The following GPC3 variants were observed in gnomAD, a reference collection of about 807,000 sequenced individuals.
GPC3 encodes the protein glypican-3.
A neutral mutation model predicts 34.4 loss-of-function variants in GPC3; 3 were observed. The ratio of observed to expected loss-of-function variants is 0.09; its 90% CI spans 0.04 to 0.23. GPC3 has a LOEUF of 0.23. Among genes scored for constraint, GPC3 ranks in the 10% least tolerant of loss-of-function variants. GPC3 has a pLI of 1.00. For missense variants in GPC3, 351 were observed against 445.6 expected (o/e 0.79, Z 1.91); for synonymous variants, 177 against 174.0 (o/e 1.02, Z -0.13).
chrX:133,829,660 G>C (rs1187992915), intron 2 of GPC3, among the ~76,000 whole-genome samples: 4 of 110,379 alleles, frequency 3.6e-5, no homozygotes, highest in Admixed American at 2.9e-4. Flanking sequence ...ATAACAGAAG[G>C]GAATTTAATA....
intron 2 of GPC3, among the ~76,000 whole-genome samples, chrX:133,800,316 G>A (rs1483572139): frequency 1.8e-5 from 2 of 112,570 alleles, no homozygotes; most frequent in Non-Finnish European, 3.8e-5. Flanking sequence ...TCACAGAAAT[G>A]TCCATTTCTT....
At chrX:133,728,267 C>T (rs2071430136) in intron 3 of GPC3, among the ~76,000 whole-genome samples, 1 of 111,630 alleles carries the variant, frequency 9.0e-6, no homozygotes, top group South Asian at 3.8e-4. Context: ...GGAGACAAAA[C>T]ACCCTGTAGC....
At chrX:133,771,005 C>T (rs2071912698) in intron 2 of GPC3, among the ~76,000 whole-genome samples, 1 of 111,338 alleles carries the variant, frequency 9.0e-6, no homozygotes, top group Non-Finnish European at 1.9e-5. Context: ...GGACAAGGGA[C>T]AGTATACACT....
intron 7 of GPC3, among the ~76,000 whole-genome samples, chrX:133,593,353 G>GAAAAAAAAAAAA (rs1569391707): frequency 1.7e-5 from 1 of 58,156 alleles, no homozygotes. Flanking sequence ...AAAAAAAAAA[G>GAAAAAAAAAAAA]TAAAAAAAAA....
At chrX:133,677,073 A>T (rs1209568434) in intron 5 of GPC3, among the ~76,000 whole-genome samples, 1 of 111,629 alleles carries the variant, frequency 9.0e-6, no homozygotes, top group African/African-American at 3.3e-5. Flanking sequence ...CCTGCTCAGA[A>T]GCCCCATTGG....
chrX:133,539,768 T>A (rs1004236378), intron 7 of GPC3, among the ~76,000 whole-genome samples: 1 of 112,614 alleles, frequency 8.9e-6, no homozygotes, highest in African/African-American at 3.2e-5. Context: ...GGCTTATAAT[T>A]GGTGGGAATC....
At chrX:133,953,344 T>C in intron 1 of GPC3, 133 bp from the exon 2 acceptor site, 1 of 542,116 alleles carries the variant, frequency 1.8e-6, no homozygotes, top group Non-Finnish European at 3.2e-6. Flanking sequence ...TCTTTTGAGA[T>C]ACAGTAAAAT....
intron 5 of GPC3, chrX:133,671,527 G>T (rs1415963926): frequency 2.6e-6 from 1 of 383,297 alleles, no homozygotes; most frequent in East Asian, 4.2e-5. Context: ...AGCTACGAGG[G>T]TGCTAGAAAC....
chrX:133,652,188 CT>C (rs1363086569), intron 6 of GPC3, among the ~76,000 whole-genome samples: 1 of 112,213 alleles, frequency 8.9e-6, no homozygotes, highest in East Asian at 2.8e-4. Flanking sequence ...TTCACCAATT[CT>C]TTGTGATGCT....
chrX:133,698,432 G>A (rs947439939), intron 4 of GPC3, among the ~76,000 whole-genome samples: 3 of 112,209 alleles, frequency 2.7e-5, no homozygotes, highest in African/African-American at 6.5e-5. Context: ...TCTAAGATTA[G>A]CTGTGTGTTG....
At chrX:133,630,770 T>G (rs768206466) in intron 6 of GPC3, among the ~76,000 whole-genome samples, 1 of 112,046 alleles carries the variant, frequency 8.9e-6, no homozygotes, top group Non-Finnish European at 1.9e-5. Context: ...TAGAGACACA[T>G]TCCTTTGGAA....
chrX:133,707,290 A>G (rs1246986066), intron 3 of GPC3, among the ~76,000 whole-genome samples: 1 of 111,427 alleles, frequency 9.0e-6, no homozygotes, highest in Non-Finnish European at 1.9e-5. Flanking sequence ...GACCATCCAT[A>G]CCCCAAACCT....
chrX:133,818,356 T>C (rs1010369943), intron 2 of GPC3, among the ~76,000 whole-genome samples: 1 of 111,569 alleles, frequency 9.0e-6, no homozygotes, highest in Non-Finnish European at 1.9e-5. Context: ...TTATTCCAAG[T>C]GGTTTAAAAT....
At chrX:133,784,906 A>G (rs1216982943) in intron 2 of GPC3, among the ~76,000 whole-genome samples, 1 of 109,352 alleles carries the variant, frequency 9.1e-6, no homozygotes, top group East Asian at 2.9e-4. Flanking sequence ...GGCAACCACT[A>G]CTCTACTTTC....
intron 2 of GPC3, among the ~76,000 whole-genome samples, chrX:133,951,047 AGTGTGTGT>A (rs373690687): frequency 0.054 from 4,152 of 76,646 alleles, 109 homozygotes; most frequent in Middle Eastern, 0.091. Flanking sequence ...AATTCAAGAA[AGTGTGTGT>A]GTGTGTGTGT....
At chrX:133,655,396 T>A (rs1305383421) in intron 6 of GPC3, among the ~76,000 whole-genome samples, 1 of 110,132 alleles carries the variant, frequency 9.1e-6, no homozygotes, top group Non-Finnish European at 1.9e-5. Flanking sequence ...AAGGACTAAC[T>A]CACATTGTCC....
intron 2 of GPC3, among the ~76,000 whole-genome samples, chrX:133,776,970 C>A (rs1191286341): frequency 1.9e-5 from 2 of 105,070 alleles, no homozygotes; most frequent in African/African-American, 7.0e-5. Flanking sequence ...ACCTCCACCT[C>A]CCAGGTTCAA....
In GPC3 at chrX:133,808,040, C is replaced by T. The variant is rs1284504100; in HGVS notation, c.338-53864G>A. Among the ~76,000 whole-genome samples, 4 of 112,358 alleles carry T rather than the reference C, an allele frequency of 3.6e-5. No individual in the cohort carries two copies. The Admixed American group carries it at 3.8e-4, about 11-fold the overall frequency. On this transcript the variant is annotated intron_variant, in intron 2 of 7. Coordinates refer to ENST00000370818, the MANE Select transcript of GPC3 (RefSeq NM_004484.4). ...TGCCTCCCATGCATTTCTGCTGGAC[C>T]AAAGCAACATCAGAATAAACATAAG...
chrX:133,671,425 T>C, intron 5 of GPC3: 3 of 478,514 alleles, frequency 6.3e-6, no homozygotes, highest in South Asian at 6.2e-5. Context: ...TGTGGATTTT[T>C]CATGAGAGGA....
Sources: allele counts gnomAD v4.1 joint callset (sites outside exome capture counted in the v4.1 genomes callset), GRCh38; gene constraint gnomAD v4.1.1; transcripts MANE v1.5; gene names NCBI Gene and HGNC (gene_info 2026-07-23, HGNC 2026-07-21).